Variants in RAB10 observed in about 807,000 individuals in gnomAD.
The protein encoded by RAB10 is RAB10, member RAS oncogene family.
A neutral mutation model predicts 25.7 loss-of-function variants in RAB10; 5 were observed. The observed-to-expected ratio is 0.19, with a 90% confidence interval of 0.10 to 0.41. The LOEUF is 0.41. RAB10 is among the 10% of genes least tolerant of loss of function. RAB10 has a pLI of 1.00. For synonymous variants in RAB10, 89 were observed against 86.4 expected (o/e 1.03, Z -0.16); for missense variants, 103 against 245.8 (o/e 0.42, Z 3.89).
intron 1 of RAB10, among the ~76,000 whole-genome samples, chr2:26,098,353 G>A (rs1459928949): frequency 3.3e-5 from 5 of 152,088 alleles, no homozygotes; most frequent in Admixed American, 2.0e-4. Context: ...GCCCAGGCTG[G>A]TCTCGAACGC....
At chr2:26,111,471 G>A (rs1667570774) in intron 3 of RAB10, among the ~76,000 whole-genome samples, 2 of 151,994 alleles carry the variant, frequency 1.3e-5, no homozygotes, top group Admixed American at 1.3e-4. Context: ...GGGTGGGGTG[G>A]CACATGCCTG....
upstream of RAB10, among the ~76,000 whole-genome samples, chr2:26,033,779 G>A (rs191208763): frequency 7.4e-3 from 1,124 of 151,442 alleles, 8 homozygotes; most frequent in Non-Finnish European, 0.013. Flanking sequence ...GGAGCGGGGA[G>A]CGGGAGGCGG....
chr2:26,047,925 C>T (rs943301111), intron 1 of RAB10, among the ~76,000 whole-genome samples: 4 of 151,456 alleles, frequency 2.6e-5, no homozygotes, highest in African/African-American at 9.7e-5. Context: ...GAGGTTTCAC[C>T]ATGTTGACCA....
At chr2:26,091,164 C>A (rs1003316122) in intron 1 of RAB10, among the ~76,000 whole-genome samples, 1 of 152,054 alleles carries the variant, frequency 6.6e-6, no homozygotes, top group Non-Finnish European at 1.5e-5. Flanking sequence ...AGGTATTGTT[C>A]TAGGTATGGG....
rs577674890 is a variant in RAB10 at position 26,098,375 on chromosome 2, C to A, written c.128-287C>A. 7.9e-5 allele frequency among the ~76,000 whole-genome samples: 12 copies of A among 152,194 alleles called. No homozygotes were observed. The South Asian group carries it at 2.5e-3, about 32-fold the overall frequency. ...CTGGTCTCGAACGCCTGGGCTTACA[C>A]CATCTGCCCACCTCAGCCTCTCAAA... is the stretch of plus-strand genomic sequence containing the variant. On this transcript the variant is annotated intron_variant, in intron 1 of 5. Transcript: ENST00000264710.
chr2:26,117,055 G>C (rs575160544), intron 3 of RAB10, among the ~76,000 whole-genome samples: 1 of 152,276 alleles, frequency 6.6e-6, no homozygotes, highest in African/African-American at 2.4e-5. Context: ...TCTTAAATCT[G>C]TGTTTTCTGA....
At chr2:26,045,261 A>T (rs544330280) in intron 1 of RAB10, among the ~76,000 whole-genome samples, 108 of 144,578 alleles carry the variant, frequency 7.5e-4, no homozygotes, top group African/African-American at 2.6e-3. Flanking sequence ...TTTTTTTGAG[A>T]CAGAGTCTCG....
intron 1 of RAB10, among the ~76,000 whole-genome samples, chr2:26,089,548 T>C (rs1341696325): frequency 6.6e-6 from 1 of 152,164 alleles, no homozygotes; most frequent in Non-Finnish European, 1.5e-5. Context: ...AGGTACAGAT[T>C]TTTAGAAGTC....
At position 26,044,226 on chromosome 2, in the gene RAB10, C is replaced by T. The variant is rs150119272; in HGVS notation, c.127+9491C>T. 1.1e-3 allele frequency among the ~76,000 whole-genome samples: 164 copies of T among 152,328 alleles called. 3 individuals carry two copies. The Middle Eastern group carries it at 0.017, about 16-fold the overall frequency. ...CTCAACAAAACCCAAAAAACTAACA[C>T]TCGACCCAGTTCTCTAAAAGAGCAT... On this transcript the variant is annotated intron_variant, in intron 1 of 5. Coordinates refer to ENST00000264710, the MANE Select transcript of RAB10 (RefSeq NM_016131.5).
chr2:26,089,946 G>A (rs1259460985), intron 1 of RAB10, among the ~76,000 whole-genome samples: 1 of 152,008 alleles, frequency 6.6e-6, no homozygotes, highest in Non-Finnish European at 1.5e-5. Context: ...AGATTTCAAG[G>A]CACTGTCTCT....
intron 1 of RAB10, among the ~76,000 whole-genome samples, chr2:26,088,461 G>A (rs1246465934): frequency 6.6e-6 from 1 of 152,158 alleles, no homozygotes; most frequent in Non-Finnish European, 1.5e-5. Context: ...TTAGCAAATG[G>A]TAATGTTGCA....
chr2:26,034,553 G>A lies in RAB10; in HGVS notation c.-56G>A. ...GCCCGAGTGAGGAGTTGGCCGTAGTGAGAGGGACCGATCCCTTGGGGCCGC... is the reference window on the plus strand; with the variant it reads ...GCCCGAGTGAGGAGTTGGCCGTAGTAAGAGGGACCGATCCCTTGGGGCCGC... On this transcript the variant is annotated 5_prime_UTR_variant, in exon 1 of 6. Coordinates refer to ENST00000264710, the MANE Select transcript of RAB10 (RefSeq NM_016131.5). 6.2e-7 allele frequency: 1 copy of A among 1,609,978 alleles called. No individual in the cohort carries two copies. Among genetic ancestry groups the A allele is most frequent in the Admixed American group, 1.7e-5 (1 of 59,776 alleles).
intron 5 of RAB10, among the ~76,000 whole-genome samples, chr2:26,130,476 CTCTT>C (rs1204603595): frequency 1.3e-5 from 2 of 150,782 alleles, no homozygotes; most frequent in African/African-American, 4.9e-5. Flanking sequence ...CTTGGTCTCT[CTCTT>C]TTTTTTTTTT....
At chr2:26,033,659 G>C (rs1665682064), upstream of RAB10, among the ~76,000 whole-genome samples, 1 of 152,218 alleles carries the variant, frequency 6.6e-6, no homozygotes, top group Admixed American at 6.5e-5. Flanking sequence ...GCTGCGCCAA[G>C]ACCTCCAGCT....
chr2:26,113,856 C>G (rs1214040342), intron 3 of RAB10, among the ~76,000 whole-genome samples: 1 of 151,260 alleles, frequency 6.6e-6, no homozygotes, highest in African/African-American at 2.4e-5. Flanking sequence ...AAACATATAC[C>G]CAGAAAACTC....
In RAB10 at chr2:26,077,308, G is replaced by C. The variant is rs1666759837; in HGVS notation, c.128-21354G>C. ...AGAAAATTTCTTATTCTGGTGGAGT[G>C]TGAAAGTCAACACATCTTTTGTGCA... On this transcript the variant is annotated intron_variant, in intron 1 of 5. Coordinates refer to ENST00000264710, the MANE Select transcript of RAB10 (RefSeq NM_016131.5). Among the ~76,000 whole-genome samples, 3 of 152,200 alleles carry C rather than the reference G, an allele frequency of 2.0e-5. No homozygotes were observed. The South Asian group carries it at 6.2e-4, about 32-fold the overall frequency.
At chr2:26,071,233 G>C (rs1666619767) in intron 1 of RAB10, among the ~76,000 whole-genome samples, 1 of 152,184 alleles carries the variant, frequency 6.6e-6, no homozygotes, top group African/African-American at 2.4e-5. Flanking sequence ...AAAGGCACTT[G>C]TGAAATTGTT....
At chr2:26,083,438 T>G (rs1466285556) in intron 1 of RAB10, among the ~76,000 whole-genome samples, 2 of 28,460 alleles carry the variant, frequency 7.0e-5, no homozygotes, top group African/African-American at 3.1e-4. Flanking sequence ...TTCCCTCCCC[T>G]CCCCCAAAAC....
intron 1 of RAB10, among the ~76,000 whole-genome samples, chr2:26,062,023 AG>A (rs1443802872): frequency 6.6e-6 from 1 of 152,086 alleles, no homozygotes; most frequent in Admixed American, 6.6e-5. Flanking sequence ...CTTGGGGAAA[AG>A]GGGTGGAGTT....
Sources: gnomAD v4.1 joint callset for allele counts (sites outside exome capture counted in the v4.1 genomes callset) on GRCh38, gnomAD v4.1.1 for gene constraint, MANE v1.5 for transcripts, NCBI Gene and HGNC (gene_info 2026-07-23, HGNC 2026-07-21) for gene names.